Variants in CDKL5 observed in about 807,000 individuals in gnomAD.
CDKL5 encodes the protein cyclin dependent kinase like 5.
Under a neutral mutation model 61.7 loss-of-function variants are expected in CDKL5, and 8 were observed. The ratio of observed to expected loss-of-function variants is 0.13; its 90% CI spans 0.08 to 0.23. The LOEUF (loss-of-function observed/expected upper bound fraction) is 0.23. Ranked by LOEUF, CDKL5 falls within the 10% of genes least tolerant of loss-of-function variation. CDKL5 has a pLI of 1.00. For missense variants in CDKL5, 440 were observed against 734.5 expected (o/e 0.60, Z 4.63); for synonymous variants, 275 against 272.3 (o/e 1.01, Z -0.10).
intron 3 of CDKL5, among the ~76,000 whole-genome samples, chrX:18,515,897 T>C (rs1922995501): frequency 9.0e-6 from 1 of 111,357 alleles, no homozygotes; most frequent in African/African-American, 3.3e-5. Context: ...TAGGCTTTGA[T>C]CTGACTCCAG....
intron 1 of CDKL5, among the ~76,000 whole-genome samples, chrX:18,476,234 G>A (rs981326583): frequency 9.0e-6 from 1 of 111,046 alleles, no homozygotes; most frequent in African/African-American, 3.3e-5. Flanking sequence ...TAATTTTTGA[G>A]ATGGGGGGTT....
In CDKL5 at chrX:18,631,321, T is replaced by G; in HGVS notation, c.*2564T>G. 1.3e-6 allele frequency: 1 copy of G among 753,779 alleles called. No homozygotes were observed. Among genetic ancestry groups the G allele is most frequent in the African/African-American group, 2.3e-5 (1 of 43,930 alleles). The allele number at this position is 753,779 out of a possible 1,213,427, so 62.1% of individuals were successfully genotyped here. ...CAACCAGTGTTTTCGAGGTAGCTCTTTAATCCTCTTCTCAGCTTTTGTCTG... is the reference window on the plus strand; with the variant it reads ...CAACCAGTGTTTTCGAGGTAGCTCTGTAATCCTCTTCTCAGCTTTTGTCTG... On this transcript the variant is annotated 3_prime_UTR_variant, in exon 18 of 18. Transcript: ENST00000623535.
intron 1 of CDKL5, among the ~76,000 whole-genome samples, chrX:18,490,830 CA>C (rs1190357282): frequency 8.9e-6 from 1 of 111,889 alleles, no homozygotes. Context: ...TGAGGAAGTG[CA>C]AAGATTTTCG....
At chrX:18,575,095 T>C (rs1451427145) in intron 4 of CDKL5, among the ~76,000 whole-genome samples, 1 of 112,283 alleles carries the variant, frequency 8.9e-6, no homozygotes, top group African/African-American at 3.2e-5. Context: ...TTTTTATACA[T>C]ACACATAGTA....
chrX:18,499,418 T>C (rs1421052685), intron 1 of CDKL5, among the ~76,000 whole-genome samples: 1 of 104,621 alleles, frequency 9.6e-6, no homozygotes, highest in African/African-American at 3.5e-5. Flanking sequence ...TAGAGTGCAG[T>C]GGCTCGATCT....
intron 3 of CDKL5, among the ~76,000 whole-genome samples, chrX:18,547,339 G>C (rs1292945801): frequency 8.9e-6 from 1 of 112,132 alleles, no homozygotes; most frequent in Non-Finnish European, 1.9e-5. Context: ...AAAGCCTCCA[G>C]GCTGCATGAT....
chrX:18,651,264 T>TGTGTGTGAGAGA (rs1491242962), intron 21 of CDKL5, among the ~76,000 whole-genome samples: 9 of 69,012 alleles, frequency 1.3e-4, no homozygotes, highest in African/African-American at 5.6e-4. Flanking sequence ...TGTGTGTGTG[T>TGTGTGTGAGAGA]GAGAGAGAGA....
chrX:18,636,085 C>T lies in CDKL5; in HGVS notation c.*7328C>T, dbSNP rs1332669186. ...GGAAAGAACTTAGCTTTTGTGATAACTTATAGATGAAATATTCCCCAGTTT... is the reference window on the plus strand; with the variant it reads ...GGAAAGAACTTAGCTTTTGTGATAATTTATAGATGAAATATTCCCCAGTTT... On this transcript the variant is annotated 3_prime_UTR_variant, in exon 18 of 18. Transcript: ENST00000623535. 9.0e-6 allele frequency: 1 copy of T among 111,122 alleles called. No individual in the cohort carries two copies. Among genetic ancestry groups the T allele is most frequent in the Non-Finnish European group, 1.9e-5 (1 of 53,033 alleles). The allele number at this position is 111,122 out of a possible 1,213,427, so 9.2% of individuals were successfully genotyped here.
chrX:18,598,735 C>T, intron 11 of CDKL5, 122 bp downstream of exon 11: 1 of 656,263 alleles, frequency 1.5e-6, no homozygotes, highest in East Asian at 3.4e-5. Flanking sequence ...TCAAAAATAT[C>T]TTCCTTATGC....
At chrX:18,544,663 C>T (rs1375916803) in intron 3 of CDKL5, among the ~76,000 whole-genome samples, 1 of 111,661 alleles carries the variant, frequency 9.0e-6, no homozygotes, top group Non-Finnish European at 1.9e-5. Flanking sequence ...TTTTACTTTG[C>T]TTTTCTATTA....
At chrX:18,529,075 A>G (rs1923549544) in intron 3 of CDKL5, among the ~76,000 whole-genome samples, 1 of 105,395 alleles carries the variant, frequency 9.5e-6, no homozygotes, top group Non-Finnish European at 1.9e-5. Context: ...TATTTGTTGT[A>G]CTTACTTTTT....
intron 4 of CDKL5, among the ~76,000 whole-genome samples, chrX:18,571,275 G>T (rs995357252): frequency 5.4e-5 from 6 of 111,482 alleles, no homozygotes; most frequent in African/African-American, 2.0e-4. Context: ...CCTGGGTACT[G>T]TGACTCACTT....
chrX:18,629,159 A>AT lies in CDKL5; in HGVS notation c.*409dup. ...GTGTTGACCGATGCCCTTACTACAT[A>AT]TTTTTTTCTGCCTAGAGTAAATGTG... On this transcript the variant is annotated 3_prime_UTR_variant, in exon 18 of 18. Transcript: ENST00000623535. 1 of 764,317 alleles carries AT rather than the reference A, an allele frequency of 1.3e-6. No homozygotes were observed. The highest frequency in any genetic ancestry group is 1.5e-6 in the Non-Finnish European group (1 of 645,611). 63.0% of individuals were successfully genotyped at this position (764,317 alleles called of 1,213,427 possible).
At chrX:18,582,043 A>C (rs1473985905) in intron 7 of CDKL5, 93 bp downstream of exon 7, 2 of 680,846 alleles carry the variant, frequency 2.9e-6, no homozygotes, top group Non-Finnish European at 2.3e-6. Flanking sequence ...AGTAATTGTT[A>C]TGTTTTGACT....
At chrX:18,485,217 G>A (rs1054478636) in intron 1 of CDKL5, among the ~76,000 whole-genome samples, 1 of 109,282 alleles carries the variant, frequency 9.2e-6, no homozygotes, top group African/African-American at 3.3e-5. Context: ...TTAAATTGTC[G>A]CTGTGTCTTT....
chrX:18,582,174 A>T (rs1004895317), intron 7 of CDKL5, among the ~76,000 whole-genome samples: 9 of 111,541 alleles, frequency 8.1e-5, no homozygotes, highest in Non-Finnish European at 1.5e-4. Context: ...GTTTAATCAG[A>T]ACTAATTCAA....
intron 1 of CDKL5, among the ~76,000 whole-genome samples, chrX:18,458,720 CAAAAAA>C (rs369611875): frequency 1.0e-5 from 1 of 99,190 alleles, no homozygotes. Flanking sequence ...GACCCTGTCT[CAAAAAA>C]AAAAAGAAAA....
downstream of CDKL5, among the ~76,000 whole-genome samples, chrX:18,642,810 C>T (rs77541697): frequency 1.2e-3 from 135 of 110,216 alleles, 4 homozygotes; most frequent in East Asian, 0.034. Flanking sequence ...GAGGCGGAGG[C>T]GGGCGGATCG....
At chrX:18,646,329 T>A (rs1296737349) in intron 20 of CDKL5, among the ~76,000 whole-genome samples, 1 of 111,354 alleles carries the variant, frequency 9.0e-6, no homozygotes, top group Non-Finnish European at 1.9e-5. Context: ...AATTTTTGTA[T>A]TTTTAGTAGA....
Sources: allele counts gnomAD v4.1 joint callset (sites outside exome capture counted in the v4.1 genomes callset), GRCh38; gene constraint gnomAD v4.1.1; transcripts MANE v1.5; gene names NCBI Gene and HGNC (gene_info 2026-07-23, HGNC 2026-07-21).